The following ITGAE variants were observed in gnomAD, a reference collection of about 807,000 sequenced individuals.
ITGAE encodes integrin subunit alpha E.
ITGAE carries 99 observed loss-of-function variants against 136.5 expected under a neutral mutation model. That is an observed-to-expected ratio of 0.73 (90% confidence interval 0.62 to 0.86). ITGAE has a LOEUF of 0.86. Among genes scored for constraint, ITGAE ranks in the 40% least tolerant of loss-of-function variants. The pLI is 0.00. For synonymous variants in ITGAE, 613 were observed against 591.8 expected, an observed-to-expected ratio of 1.04 and a Z score of -0.52; for missense variants, 1,447 against 1,515.3, an observed-to-expected ratio of 0.95 and a Z score of 0.75.
intron 21 of ITGAE, among the ~76,000 whole-genome samples, chr17:3,734,198 G>A (rs1400018596): frequency 1.3e-5 from 2 of 152,108 alleles, no homozygotes; most frequent in East Asian, 1.9e-4. Flanking sequence ...AGCCTCCCGA[G>A]TAGCTGGGAC....
chr17:3,797,920 T>C (rs1356673655), intron 1 of ITGAE, among the ~76,000 whole-genome samples: 4 of 152,202 alleles, frequency 2.6e-5, no homozygotes, highest in African/African-American at 9.7e-5. Context: ...GTCGCCATCC[T>C]GGTCAAGACC....
At chr17:3,741,244 AT>A (rs34606637) in intron 19 of ITGAE, among the ~76,000 whole-genome samples, 82,865 of 136,616 alleles carry the variant, frequency 0.61, 26,373 homozygotes, top group African/African-American at 0.85. Context: ...CGCCCAGCTA[AT>A]TTTTTTTTTT....
intron 1 of ITGAE, among the ~76,000 whole-genome samples, chr17:3,796,291 GC>G (rs1327627186): frequency 1.3e-5 from 2 of 151,918 alleles, no homozygotes; most frequent in Non-Finnish European, 2.9e-5. Flanking sequence ...GACTGGACTC[GC>G]CCCAGGCCCA....
chr17:3,791,151 T>C (rs1462125999), intron 1 of ITGAE, among the ~76,000 whole-genome samples: 1 of 98,636 alleles, frequency 1.0e-5, no homozygotes, highest in Non-Finnish European at 2.0e-5. Flanking sequence ...CGAGACTCTG[T>C]CTCAAAAAAA....
At chr17:3,716,593 G>T in intron 30 of ITGAE, 95 bp downstream of exon 30, 1 of 741,488 alleles carries the variant, frequency 1.3e-6, no homozygotes, top group South Asian at 1.6e-5. Context: ...GGCCAGGGCA[G>T]CTGCTCTAAG....
Position 3,799,533 on chromosome 17 carries a change from A to T in ITGAE, c.34+1578T>A, listed in dbSNP as rs997321631. Among the ~76,000 whole-genome samples the T allele has an allele frequency of 6.6e-6, 1 of 152,138 alleles. No homozygotes were observed. Among genetic ancestry groups the T allele is most frequent in the African/African-American group, 2.4e-5 (1 of 41,438 alleles). ...GTATTCTGGAGCTGGGAGGCAGGAC[A>T]GAGGCCTGGGCTTGAGCCTCGTGTC... is the stretch of plus-strand genomic sequence containing the variant. On this transcript the variant is annotated intron_variant, in intron 1 of 30. Coordinates refer to ENST00000263087, the MANE Select transcript of ITGAE (RefSeq NM_002208.5). The surrounding 1 kb of genome is among the most constrained non-coding windows in gnomAD (Gnocchi z 4.1).
At chr17:3,757,181 C>T in intron 9 of ITGAE, 47 bp from the exon 10 acceptor site, 1 of 1,598,694 alleles carries the variant, frequency 6.3e-7, no homozygotes. Flanking sequence ...GTGGATTCCC[C>T]AGGCCCAGGG....
At chr17:3,716,911 A>T (rs2050955081) in intron 29 of ITGAE, 113 bp from the exon 30 acceptor site, 1 of 638,192 alleles carries the variant, frequency 1.6e-6, no homozygotes. Flanking sequence ...CCGTGTATTG[A>T]TCAAAGCTGA....
chr17:3,729,699 A>G (rs2051297662), intron 23 of ITGAE, 144 bp from the exon 24 acceptor site: 5 of 648,040 alleles, frequency 7.7e-6, no homozygotes, highest in Admixed American at 4.1e-5. Flanking sequence ...GGTTCAAGCA[A>G]TTCTCATGCC....
chr17:3,730,100 C>G lies in ITGAE; in HGVS notation c.2835-545G>C, dbSNP rs144666297. Among the ~76,000 whole-genome samples, 657 of 152,286 alleles carry G rather than the reference C, an allele frequency of 4.3e-3. 8 individuals are homozygous for G. The highest frequency in any genetic ancestry group is 0.015 in the African/African-American group (635 of 41,566). ...GTTCCCCTCCCTGTGTCCATGTGCT[C>G]TCACTGCAGAACAGGTGCTTCTGCA... On this transcript the variant is annotated intron_variant, in intron 23 of 30. Coordinates refer to ENST00000263087, the MANE Select transcript of ITGAE (RefSeq NM_002208.5).
intron 26 of ITGAE, chr17:3,726,288 A>AGCTCTGCCACTGACTT: frequency 6.2e-7 from 1 of 1,614,070 alleles, no homozygotes; most frequent in Non-Finnish European, 8.5e-7. Flanking sequence ...GCTGAACTTC[A>AGCTCTGCCACTGACTT]GCTCTGCCAC....
chr17:3,768,384 CA>C (rs2052347463), intron 2 of ITGAE, among the ~76,000 whole-genome samples: 1 of 152,238 alleles, frequency 6.6e-6, no homozygotes, highest in South Asian at 2.1e-4. Flanking sequence ...CTTGGCCTCC[CA>C]AACTGCTGGG....
At chr17:3,765,087 C>T (rs1597347211) in intron 2 of ITGAE, among the ~76,000 whole-genome samples, 4 of 151,714 alleles carry the variant, frequency 2.6e-5, no homozygotes, top group African/African-American at 4.8e-5. Flanking sequence ...CGGTGGCTCA[C>T]GCCTGTAATC....
intron 1 of ITGAE, among the ~76,000 whole-genome samples, chr17:3,785,950 G>A (rs1241953180): frequency 2.6e-5 from 4 of 151,962 alleles, no homozygotes; most frequent in Non-Finnish European, 5.9e-5. Context: ...GGCGGATCAC[G>A]AGGCCAGGAG....
chr17:3,725,799 T>G, intron 26 of ITGAE: 2 of 1,609,698 alleles, frequency 1.2e-6, no homozygotes, highest in Non-Finnish European at 1.7e-6. Context: ...GTTGTCTTCC[T>G]TGGCTACTGC....
chr17:3,745,162 C>T (rs2143016226), intron 18 of ITGAE, among the ~76,000 whole-genome samples: 1 of 151,980 alleles, frequency 6.6e-6, no homozygotes, highest in African/African-American at 2.4e-5. Context: ...TCTTTTTATT[C>T]TTCCTTTTAG....
chr17:3,786,888 C>CA (rs1268482931), intron 1 of ITGAE, among the ~76,000 whole-genome samples: 789 of 34,642 alleles, frequency 0.023, 17 homozygotes, highest in African/African-American at 0.034. Flanking sequence ...GACTCCATCT[C>CA]AAAAAAAAAA....
chr17:3,748,585 TCAA>T (rs112073752), intron 16 of ITGAE, among the ~76,000 whole-genome samples: 2,953 of 152,188 alleles, frequency 0.019, 74 homozygotes, highest in South Asian at 0.061. Flanking sequence ...AGACTCCATC[TCAA>T]CAACAACAAC....
chr17:3,782,393 G>C (rs1453776534), intron 1 of ITGAE, among the ~76,000 whole-genome samples: 1 of 142,294 alleles, frequency 7.0e-6, no homozygotes, highest in Non-Finnish European at 1.5e-5. Flanking sequence ...TTGAGATGGA[G>C]TTTCGCTCTT....
Sources: gnomAD v4.1 joint callset for allele counts (sites outside exome capture counted in the v4.1 genomes callset) on GRCh38, gnomAD v4.1.1 for gene constraint, Gnocchi (gnomAD v3.1) non-coding constraint, MANE v1.5 for transcripts, NCBI Gene and HGNC (gene_info 2026-07-23, HGNC 2026-07-21) for gene names.